MYOF: variants seen among roughly 807,000 people sequenced by gnomAD.
The protein encoded by MYOF is myoferlin, also known as fer-1-like 3, myoferlin.
MYOF carries 244 observed loss-of-function variants against 284.2 expected under a neutral mutation model. The ratio of observed to expected loss-of-function variants is 0.86; its 90% CI spans 0.77 to 0.95. The LOEUF is 0.95. Ranked by LOEUF, MYOF falls within the 40% of genes least tolerant of loss-of-function variation. The probability of loss-of-function intolerance (pLI) is 0.00; values close to 1 mark genes in which losing one functional copy is unlikely to be tolerated. For synonymous variants in MYOF, 904 were observed against 919.7 expected, an observed-to-expected ratio of 0.98 and a Z score of 0.31; for missense variants, 2,496 against 2,560.6, an observed-to-expected ratio of 0.97 and a Z score of 0.54.
At chr10:93,431,024 C>CTTTTTTT (rs113713765) in intron 4 of MYOF, among the ~76,000 whole-genome samples, 143 of 117,826 alleles carry the variant, frequency 1.2e-3, no homozygotes, top group East Asian at 4.7e-3. Flanking sequence ...TTTTTCTTTT[C>CTTTTTTT]TTTTTTTTTT....
intron 25 of MYOF, among the ~76,000 whole-genome samples, chr10:93,367,833 G>T (rs1845396165): frequency 6.6e-6 from 1 of 151,882 alleles, no homozygotes; most frequent in South Asian, 2.1e-4. Flanking sequence ...GGGGAATTTT[G>T]TAGAAAATTA....
intron 44 of MYOF, 88 bp downstream of exon 44, chr10:93,329,576 G>C: frequency 7.3e-7 from 1 of 1,377,212 alleles, no homozygotes; most frequent in Non-Finnish European, 1.0e-6. Flanking sequence ...GCTCAGTGAA[G>C]GAAGGCACTA....
chr10:93,354,695 CTCTCTCTT>C (rs1408301521), intron 31 of MYOF, among the ~76,000 whole-genome samples: 33 of 151,942 alleles, frequency 2.2e-4, no homozygotes, highest in African/African-American at 8.0e-4. Flanking sequence ...CTCTCTCTCT[CTCTCTCTT>C]TGTGAGATAG....
At chr10:93,370,710 G>A (rs1266454071) in intron 24 of MYOF, among the ~76,000 whole-genome samples, 1 of 152,146 alleles carries the variant, frequency 6.6e-6, no homozygotes, top group African/African-American at 2.4e-5. Context: ...CACTTCTGCT[G>A]CATATTGGCA....
intron 9 of MYOF, 121 bp from the exon 10 acceptor site, chr10:93,403,011 C>G: frequency 2.4e-6 from 2 of 839,488 alleles, no homozygotes; most frequent in East Asian, 2.7e-5. Flanking sequence ...CCTTGAGACC[C>G]AACATTTCCG....
At chr10:93,393,947 A>G (rs1218256307) in intron 16 of MYOF, among the ~76,000 whole-genome samples, 1 of 152,250 alleles carries the variant, frequency 6.6e-6, no homozygotes. Context: ...TATTCTCTGC[A>G]GAGAAAAGGA....
chr10:93,409,508 G>A (rs1260218156), intron 6 of MYOF, 65 bp downstream of exon 6: 1 of 1,549,058 alleles, frequency 6.5e-7, no homozygotes, highest in Non-Finnish European at 8.8e-7. Flanking sequence ...AAACATCACT[G>A]CAATTGCCAG....
rs138524829 is a variant in MYOF, at chr10:93,476,883, C to T, written c.88+5224G>A. On this transcript the variant is annotated intron_variant, in intron 1 of 53. Transcript: ENST00000359263. The stretch of plus-strand genomic sequence containing the variant: ...AACATGACAATTATCTGGTGGCCAT[C>T]TGGACAGTAGCAGTAGCCATTCCAC... Among the ~76,000 whole-genome samples the T allele has an allele frequency of 1.6e-4, 24 of 152,268 alleles. No individual in the cohort carries two copies. In the East Asian group the frequency reaches 4.1e-3, roughly 26 times the overall value.
chr10:93,472,728 A>G (rs764452835), intron 1 of MYOF, among the ~76,000 whole-genome samples: 5 of 152,244 alleles, frequency 3.3e-5, no homozygotes, highest in Non-Finnish European at 5.9e-5. Context: ...TTTTACCACA[A>G]TTAAAAACAA....
At chr10:93,401,792 C>CGT (rs57326000) in intron 11 of MYOF, among the ~76,000 whole-genome samples, 1,608 of 94,472 alleles carry the variant, frequency 0.017, 15 homozygotes, top group Middle Eastern at 0.039. Flanking sequence ...AGAGCCTGTG[C>CGT]GTGTGTGTGT....
chr10:93,482,170 C>T lies in MYOF; in HGVS notation c.25G>A (p.Ala9Thr), dbSNP rs2057393375. The T allele has an allele frequency of 1.2e-6, 2 of 1,614,042 alleles. No homozygotes were observed. ...AATTTCGTTTTAGGGATATTGCTGG[C>T]AGATTCCACAATCACTCGCAGCATG... MLRVIVESASNIPKTKFGK... is the reference protein window; with the variant it reads MLRVIVESTSNIPKTKFGK... Residue 9 changes from alanine to threonine, a missense_variant, in exon 1 of 54, where the codon GCC becomes ACC. By Grantham distance (58) the Ala-to-Thr change is moderately conservative. This residue lies in a region of MYOF where 57 missense variants were observed against 62.4 expected (regional missense o/e 0.91). Coordinates refer to ENST00000359263, the MANE Select transcript of MYOF (RefSeq NM_013451.4).
intron 5 of MYOF, among the ~76,000 whole-genome samples, chr10:93,425,033 G>A (rs1765279750): frequency 7.0e-6 from 1 of 143,610 alleles, no homozygotes; most frequent in Admixed American, 7.9e-5. Context: ...CCTCCTCATG[G>A]GTTCAAGCAA....
At chr10:93,382,881 T>C (rs187118979) in intron 19 of MYOF, among the ~76,000 whole-genome samples, 205 of 152,280 alleles carry the variant, frequency 1.3e-3, no homozygotes, top group South Asian at 3.9e-3. Flanking sequence ...TTTGGGTATA[T>C]ACCCAGAAGT....
rs751672361 is a variant in MYOF at position 93,313,215 on chromosome 10, C to A, written c.5699-5G>T. 7 of 1,610,980 alleles carry A rather than the reference C, an allele frequency of 4.3e-6. No homozygotes were observed. The East Asian group carries it at 1.1e-4, about 26-fold the overall frequency. ...GCAAGTCAAGTTCTAGGAAACCTAG[C>A]CAAGGAAACAACAGTAAGTCCAAAT... On this transcript the variant is annotated splice_polypyrimidine_tract_variant and splice_region_variant and intron_variant, in intron 50 of 53. Transcript: ENST00000359263.
intron 1 of MYOF, among the ~76,000 whole-genome samples, chr10:93,481,368 A>G (rs1177739418): frequency 6.6e-6 from 1 of 152,132 alleles, no homozygotes; most frequent in Admixed American, 6.6e-5. Context: ...TCAGCCAACC[A>G]TGAGGTTTTT....
chr10:93,444,348 T>C (rs540689423), intron 3 of MYOF, among the ~76,000 whole-genome samples: 3 of 152,382 alleles, frequency 2.0e-5, no homozygotes, highest in East Asian at 1.9e-4. Flanking sequence ...TGGAGTTTAC[T>C]ATCCAGTAGA....
At position 93,328,755 on chromosome 10, in the gene MYOF, GT is replaced by G. The variant is rs1843167059; in HGVS notation, c.5131+7del. 2 of 1,606,990 alleles carry G rather than the reference GT, an allele frequency of 1.2e-6. No homozygotes were observed. The highest frequency in any genetic ancestry group is 1.7e-5 in the Admixed American group (1 of 59,922). On this transcript the variant is annotated splice_region_variant and intron_variant, in intron 45 of 53. Coordinates refer to ENST00000359263, the MANE Select transcript of MYOF (RefSeq NM_013451.4). The stretch of plus-strand genomic sequence containing the variant: ...GTACCAGTTTACAATCCACAGCTAG[GT>G]GCTCACCAAATTCATCCAAGCTGTA...
chr10:93,326,341 T>A (rs907129952), intron 45 of MYOF, among the ~76,000 whole-genome samples: 1 of 152,148 alleles, frequency 6.6e-6, no homozygotes, highest in Non-Finnish European at 1.5e-5. Flanking sequence ...AGAAGTGACA[T>A]GTGTATCTCC....
At chr10:93,357,563 T>A (rs1376470719) in intron 29 of MYOF, among the ~76,000 whole-genome samples, 1 of 152,232 alleles carries the variant, frequency 6.6e-6, no homozygotes, top group East Asian at 1.9e-4. Context: ...TTTAAAATCT[T>A]AAAAATATGA....
Sources: allele counts gnomAD v4.1 joint callset (sites outside exome capture counted in the v4.1 genomes callset), GRCh38; gene constraint gnomAD v4.1.1; regional missense constraint gnomAD v4.1.1; transcripts MANE v1.5; gene names NCBI Gene and HGNC (gene_info 2026-07-23, HGNC 2026-07-21).